The following KIF23 variants were observed in gnomAD, a reference collection of about 807,000 sequenced individuals.
KIF23 encodes the protein kinesin-like protein KIF23.
In KIF23, 30 loss-of-function variants were observed where a neutral mutation model predicts 137.5. That is an observed-to-expected ratio of 0.22 (90% CI 0.16 to 0.30). The LOEUF is 0.30. KIF23 is among the 10% of genes least tolerant of loss of function. KIF23 has a pLI of 1.00. For missense variants in KIF23, 920 were observed against 1,194.3 expected, an observed-to-expected ratio of 0.77 and a Z score of 3.38; for synonymous variants, 367 against 391.1, an observed-to-expected ratio of 0.94 and a Z score of 0.73.
Position 69,414,652 on chromosome 15 carries a change from C to G in KIF23, c.11+176C>G, listed in dbSNP as rs141541412. On this transcript the variant is annotated intron_variant, in intron 1 of 23. Transcript: ENST00000679126. The stretch of plus-strand genomic sequence containing the variant: ...GGAACCTCCACGTGTGGCCGCTCCG[C>G]GGGAGCCTGGGCGCGGAGACCCCTG... 1.9e-3 allele frequency: 1,257 copies of G among 646,076 alleles called. 11 individuals carry two copies. In the African/African-American group the frequency reaches 0.022, roughly 11 times the overall value. The allele number at this position is 646,076 out of a possible 1,614,324, so 40.0% of individuals were successfully genotyped here.
intron 19 of KIF23, among the ~76,000 whole-genome samples, chr15:69,443,333 T>TG (rs2057668459): frequency 8.7e-6 from 1 of 114,932 alleles, no homozygotes; most frequent in Admixed American, 8.3e-5. Context: ...TGGGTTTTTT[T>TG]TTTTTTTTTT....
intron 7 of KIF23, 77 bp from the exon 8 acceptor site, chr15:69,425,205 C>G: frequency 9.1e-7 from 1 of 1,093,612 alleles, no homozygotes; most frequent in South Asian, 1.4e-5. Flanking sequence ...TTGTGATTGT[C>G]ACATAGTCTG....
At chr15:69,417,948 TGCTAA>T (rs1271264468) in intron 3 of KIF23, among the ~76,000 whole-genome samples, 1 of 152,214 alleles carries the variant, frequency 6.6e-6, no homozygotes, top group Non-Finnish European at 1.5e-5. Context: ...TTAGCAAATG[TGCTAA>T]GCTAATAGTT....
Position 69,444,610 on chromosome 15 carries a change from T to C in KIF23, c.2422-180T>C. ...CCAGATAGAATGTGTAACATACAAG[T>C]TGGTGTTAAAGATGTTTGTTGGTTT... is the stretch of plus-strand genomic sequence containing the variant. On this transcript the variant is annotated intron_variant, in intron 19 of 23. Transcript: ENST00000679126. The surrounding 1 kb of genome is among the most constrained non-coding windows in gnomAD (Gnocchi z 4.2). 1 of 610,522 alleles carries C rather than the reference T, an allele frequency of 1.6e-6. No individual in the cohort carries two copies. Among genetic ancestry groups the C allele is most frequent in the South Asian group, 2.2e-5 (1 of 45,156 alleles). The allele number at this position is 610,522 out of a possible 1,614,324, so 37.8% of individuals were successfully genotyped here.
chr15:69,437,704 C>T (rs1403853582), intron 15 of KIF23, among the ~76,000 whole-genome samples: 1 of 152,004 alleles, frequency 6.6e-6, no homozygotes, highest in Non-Finnish European at 1.5e-5. Context: ...CGTGATCCAC[C>T]CACCTTGGCC....
At chr15:69,425,229 G>T in intron 7 of KIF23, 53 bp from the exon 8 acceptor site, 2 of 1,371,950 alleles carry the variant, frequency 1.5e-6, no homozygotes, top group South Asian at 1.2e-5. Context: ...TGAACATGTT[G>T]GTGTGAGATG....
At chr15:69,445,591 T>C (rs1840153237) in intron 20 of KIF23, among the ~76,000 whole-genome samples, 2 of 150,768 alleles carry the variant, frequency 1.3e-5, no homozygotes, top group Non-Finnish European at 3.0e-5. Flanking sequence ...CAATTTAGAG[T>C]TTTTGTTCTT....
rs966356228 is a variant in KIF23, at chr15:69,434,983, G to C, written c.1115-500G>C. The C allele has an allele frequency of 1.1e-5, 7 of 627,118 alleles. No individual in the cohort carries two copies. The African/African-American group carries it at 1.3e-4, about 11-fold the overall frequency. The allele number at this position is 627,118 out of a possible 1,614,324, so 38.8% of individuals were successfully genotyped here. A position where few individuals can be genotyped will look rare whatever the true frequency, so the allele number is the denominator to read the frequency against. On this transcript the variant is annotated intron_variant, in intron 11 of 23. Coordinates refer to ENST00000679126, the MANE Select transcript of KIF23 (RefSeq NM_001367805.3). ...CCCTCAGGTGTGTAGGCCGTGGACA[G>C]CTTCAGAAACAGCACGGACTCGCTC... is the stretch of plus-strand genomic sequence containing the variant.
At chr15:69,415,421 G>C (rs1337093584) in intron 1 of KIF23, among the ~76,000 whole-genome samples, 2 of 152,106 alleles carry the variant, frequency 1.3e-5, no homozygotes, top group Admixed American at 6.5e-5. Flanking sequence ...AATGTGAAGG[G>C]AAAAAGATGA....
At chr15:69,433,695 C>T (rs1165431238) in intron 11 of KIF23, among the ~76,000 whole-genome samples, 1 of 152,050 alleles carries the variant, frequency 6.6e-6, no homozygotes, top group Non-Finnish European at 1.5e-5. Context: ...TGGGGATCTG[C>T]TGCCTTAGAG....
chr15:69,430,165 A>G (rs2057321075), intron 11 of KIF23, among the ~76,000 whole-genome samples: 1 of 152,206 alleles, frequency 6.6e-6, no homozygotes, highest in Non-Finnish European at 1.5e-5. Flanking sequence ...GGCTTTAAAT[A>G]TATATATAGC....
Position 69,447,841 on chromosome 15 carries a change from T to C in KIF23, c.*34T>C. The C allele has an allele frequency of 3.1e-6, 5 of 1,597,150 alleles. No homozygotes were observed. Among genetic ancestry groups the C allele is most frequent in the Non-Finnish European group, 4.3e-6 (5 of 1,167,322 alleles). ...TCCCAGTACTGAAAGAACATTTTCA[T>C]TTGTGTGGATGATTTCTCGAAAGCC... is the stretch of plus-strand genomic sequence containing the variant. On this transcript the variant is annotated 3_prime_UTR_variant, in exon 24 of 24. Transcript: ENST00000679126.
At chr15:69,435,386 G>A (rs2057452617) in intron 11 of KIF23, 97 bp from the exon 12 acceptor site, 1 of 886,480 alleles carries the variant, frequency 1.1e-6, no homozygotes, top group Non-Finnish European at 1.7e-6. Context: ...TTTCTATCTA[G>A]TAGTTGTTTG....
chr15:69,415,033 TCTG>T (rs2056862690), intron 1 of KIF23: 1 of 152,450 alleles, frequency 6.6e-6, no homozygotes, highest in Non-Finnish European at 1.5e-5. Flanking sequence ...GCCAGTTACT[TCTG>T]CTGTATTTTG....
intron 9 of KIF23, 58 bp downstream of exon 9, chr15:69,426,240 A>G (rs943978288): frequency 2.5e-6 from 4 of 1,593,444 alleles, no homozygotes; most frequent in East Asian, 2.2e-5. Flanking sequence ...TAGAGTTGCT[A>G]CTAAGTTTGA....
At position 69,436,557 on chromosome 15, in the gene KIF23, A is replaced by G. The variant is rs1318629956; in HGVS notation, c.1439-7A>G. ...AACTTTTTGTAATTTTCTATAATTC[A>G]ATACAGAACCATTGGTTACTGACGT... On this transcript the variant is annotated splice_polypyrimidine_tract_variant and splice_region_variant and intron_variant, in intron 14 of 23. Transcript: ENST00000679126. 6.3e-7 allele frequency: 1 copy of G among 1,594,928 alleles called. No homozygotes were observed. Among genetic ancestry groups the G allele is most frequent in the Admixed American group, 1.8e-5 (1 of 55,936 alleles).
intron 11 of KIF23, among the ~76,000 whole-genome samples, chr15:69,433,262 G>A (rs1233733443): frequency 6.6e-6 from 1 of 152,194 alleles, no homozygotes; most frequent in African/African-American, 2.4e-5. Flanking sequence ...CTCCAAGGAG[G>A]CCAAGGGTGA....
chr15:69,441,131 T>C (rs1289375646), intron 19 of KIF23, 52 bp downstream of exon 19: 14 of 1,468,746 alleles, frequency 9.5e-6, no homozygotes, highest in Non-Finnish European at 1.3e-5. Context: ...TTATCTTCTT[T>C]GTTTTTTGTA....
chr15:69,416,059 T>C lies in KIF23; in HGVS notation c.77T>C (p.Val26Ala). 1 of 1,573,186 alleles carries C rather than the reference T, an allele frequency of 6.4e-7. No individual in the cohort carries two copies. Among genetic ancestry groups the C allele is most frequent in the Non-Finnish European group, 8.6e-7 (1 of 1,167,442 alleles). Reference protein sequence around the residue: ...KGSQTNLKDPVGVYCRVRPLG... With the variant: ...KGSQTNLKDPAGVYCRVRPLG... Reference sequence around the variant, plus strand: ...TCCCAAACGAACCTTAAAGACCCAGTTGGGGTAAGGTATCCCTGTAAATTT... The same window carrying C: ...TCCCAAACGAACCTTAAAGACCCAGCTGGGGTAAGGTATCCCTGTAAATTT... The change falls in exon 2 of 24, where the codon GTT becomes GCT. Residue 26 changes from valine (V) to alanine (A), a missense_variant. Around this residue, in one of 4 missense-constraint regions of KIF23, gnomAD observed 124 missense variants for 122.0 expected, o/e 1.02. Coordinates refer to ENST00000679126, the MANE Select transcript of KIF23 (RefSeq NM_001367805.3).
Sources: gnomAD v4.1 joint callset for allele counts (sites outside exome capture counted in the v4.1 genomes callset) on GRCh38, gnomAD v4.1.1 for gene constraint, gnomAD v4.1.1 regional missense constraint, Gnocchi (gnomAD v3.1) non-coding constraint, MANE v1.5 for transcripts, NCBI Gene and HGNC (gene_info 2026-07-23, HGNC 2026-07-21) for gene names.